Variants in DPP6 observed in about 807,000 individuals in gnomAD.
The protein encoded by DPP6 is A-type potassium channel modulatory protein DPP6.
Under a neutral mutation model 122.6 loss-of-function variants are expected in DPP6, and 69 were observed. The ratio of observed to expected loss-of-function variants is 0.56; its 90% CI spans 0.46 to 0.69. DPP6 has a LOEUF of 0.69. Among genes scored for constraint, DPP6 ranks in the 30% least tolerant of loss-of-function variants. The pLI is 0.00. For missense variants in DPP6, 928 were observed against 1,116.9 expected, an observed-to-expected ratio of 0.83 and a Z score of 2.41; for synonymous variants, 418 against 433.1, an observed-to-expected ratio of 0.97 and a Z score of 0.43.
At chr7:154,360,589 C>G (rs190946412) in intron 1 of DPP6, among the ~76,000 whole-genome samples, 7 of 152,270 alleles carry the variant, frequency 4.6e-5, no homozygotes, top group African/African-American at 1.4e-4. Flanking sequence ...TCTTGACATC[C>G]TATGTTAGTT....
chr7:154,227,642 C>T (rs903196467), intron 1 of DPP6, among the ~76,000 whole-genome samples: 1 of 151,972 alleles, frequency 6.6e-6, no homozygotes, highest in African/African-American at 2.4e-5. Context: ...TTCCTCCTCT[C>T]ACCCTGCCCC....
chr7:154,531,152 CT>C (rs1197102232), intron 3 of DPP6, among the ~76,000 whole-genome samples: 1 of 152,124 alleles, frequency 6.6e-6, no homozygotes, highest in East Asian at 1.9e-4. Context: ...TGTAACAAAC[CT>C]GCACATCCTG....
intron 1 of DPP6, among the ~76,000 whole-genome samples, chr7:153,965,969 A>C (rs369981307): frequency 1.3e-5 from 2 of 151,566 alleles, no homozygotes; most frequent in South Asian, 4.2e-4. Context: ...CCCTACAGAG[A>C]AAGTCACACT....
At chr7:154,868,641 G>A (rs1034868973) in intron 18 of DPP6, among the ~76,000 whole-genome samples, 1 of 152,186 alleles carries the variant, frequency 6.6e-6, no homozygotes, top group African/African-American at 2.4e-5. Context: ...CTCTGTGCTA[G>A]GCGTTGCTAA....
At position 154,175,922 on chromosome 7, in the gene DPP6, A is replaced by G. The variant is rs1036118950; in HGVS notation, c.243+122859A>G. ...AGGCTGGTCTCAAACTCCTGACCTC[A>G]AGTGACCCACCCACCTCGGCCTCCC... On this transcript the variant is annotated intron_variant, in intron 1 of 25. Transcript: ENST00000377770. Among the ~76,000 whole-genome samples, 9 of 152,148 alleles carry G rather than the reference A, an allele frequency of 5.9e-5. No homozygotes were observed. The South Asian group carries it at 1.5e-3, about 25-fold the overall frequency.
intron 9 of DPP6, 37 bp from the exon 10 acceptor site, chr7:154,772,808 C>T (rs768348414): frequency 5.6e-6 from 9 of 1,596,222 alleles, no homozygotes; most frequent in Non-Finnish European, 7.7e-6. Context: ...TTGTATAAGG[C>T]TGCTTGTTCA....
chr7:154,388,126 A>G (rs1814280223), intron 1 of DPP6, among the ~76,000 whole-genome samples: 1 of 151,954 alleles, frequency 6.6e-6, no homozygotes, highest in African/African-American at 2.4e-5. Context: ...ACATGACGGA[A>G]CCCCATCTCT....
chr7:153,828,071 C>T, the DPP6 span, among the ~76,000 whole-genome samples: 3 of 121,808 alleles, frequency 2.5e-5, no homozygotes, highest in African/African-American at 8.6e-5. Flanking sequence ...GTCTGAATCC[C>T]ACATCACCCC....
intron 1 of DPP6, chr7:154,058,977 A>T (rs1316924171): frequency 2.2e-5 from 3 of 136,202 alleles, no homozygotes; most frequent in Non-Finnish European, 3.1e-5. Flanking sequence ...CGAGGCAGGG[A>T]CTGAGAGCCA....
chr7:154,841,974 A>G lies in DPP6; in HGVS notation c.1667-11806A>G, dbSNP rs147741564. 3.3e-3 allele frequency among the ~76,000 whole-genome samples: 502 copies of G among 152,272 alleles called. 2 individuals are homozygous for G. Among genetic ancestry groups the G allele is most frequent in the African/African-American group, 0.011 (466 of 41,562 alleles). On this transcript the variant is annotated intron_variant, in intron 16 of 25. Transcript: ENST00000377770. ...ACCTGTCGGCAGTGTTGACTAGGAA[A>G]TGCTGTCCTCGGAACAAATATTTTA...
Position 154,246,508 on chromosome 7 carries a change from C to T in DPP6, c.243+193445C>T, listed in dbSNP as rs532530905. The stretch of plus-strand genomic sequence containing the variant: ...ATTAATACAAGGTCAACGAAAATTC[C>T]AACAAGGTGGTAGAAATTGACAAGC... On this transcript the variant is annotated intron_variant, in intron 1 of 25. Transcript: ENST00000377770. 7.2e-5 allele frequency among the ~76,000 whole-genome samples: 11 copies of T among 152,028 alleles called. No individual in the cohort carries two copies. In the South Asian group the frequency reaches 2.3e-3, roughly 32 times the overall value.
intron 8 of DPP6, among the ~76,000 whole-genome samples, chr7:154,754,098 T>C (rs1030156717): frequency 2.6e-5 from 4 of 152,228 alleles, no homozygotes; most frequent in African/African-American, 9.6e-5. Context: ...CCATTATTTT[T>C]CAATGTGTTT....
At chr7:154,198,524 G>C (rs748794164) in intron 1 of DPP6, among the ~76,000 whole-genome samples, 1 of 152,070 alleles carries the variant, frequency 6.6e-6, no homozygotes, top group East Asian at 1.9e-4. Flanking sequence ...ATGTTGGCCA[G>C]GCTGGTCTTG....
chr7:154,632,465 G>A (rs112655542), intron 5 of DPP6, among the ~76,000 whole-genome samples: 2,604 of 152,096 alleles, frequency 0.017, 31 homozygotes, highest in Middle Eastern at 0.048. Flanking sequence ...ATGGAGGGAA[G>A]GAAAACTACA....
At chr7:153,775,779 T>G in the DPP6 span, among the ~76,000 whole-genome samples, 2 of 152,188 alleles carry the variant, frequency 1.3e-5, no homozygotes, top group East Asian at 1.9e-4. Flanking sequence ...TTTTTCTGTG[T>G]TCTAGCAGTG....
chr7:154,094,850 A>G (rs2628796), intron 1 of DPP6: 1 of 152,092 alleles, frequency 6.6e-6, no homozygotes, highest in African/African-American at 2.4e-5. Flanking sequence ...GTAGGTTCTC[A>G]CATGTTTCCA....
At chr7:154,078,148 C>A (rs1293426647) in intron 1 of DPP6, among the ~76,000 whole-genome samples, 1 of 151,982 alleles carries the variant, frequency 6.6e-6, no homozygotes, top group South Asian at 2.1e-4. Flanking sequence ...TCATCTCTTT[C>A]ATGTTTTGAT....
At chr7:154,395,348 T>C (rs1207230208) in intron 1 of DPP6, among the ~76,000 whole-genome samples, 1 of 152,234 alleles carries the variant, frequency 6.6e-6, no homozygotes, top group Non-Finnish European at 1.5e-5. Context: ...CGGGTAGCAT[T>C]GACATCTTAA....
intron 1 of DPP6, among the ~76,000 whole-genome samples, chr7:153,955,790 G>T (rs998563545): frequency 5.3e-5 from 8 of 152,176 alleles, no homozygotes; most frequent in Admixed American, 5.2e-4. Flanking sequence ...ATGTTAACTT[G>T]GGAAAGGTCA....
Sources: allele counts gnomAD v4.1 joint callset (sites outside exome capture counted in the v4.1 genomes callset), GRCh38; gene constraint gnomAD v4.1.1; transcripts MANE v1.5; gene names NCBI Gene and HGNC (gene_info 2026-07-23, HGNC 2026-07-21).